The following EPC2 variants were observed in gnomAD, a reference collection of about 807,000 sequenced individuals.
EPC2 encodes enhancer of polycomb homolog 2.
Under a neutral mutation model 92.1 loss-of-function variants are expected in EPC2, and 14 were observed. The ratio of observed to expected loss-of-function variants is 0.15; its 90% CI spans 0.10 to 0.24. The LOEUF is 0.24. Ranked by LOEUF, EPC2 falls within the 10% of genes least tolerant of loss-of-function variation. The pLI, the probability that EPC2 is intolerant of heterozygous loss-of-function variation, is 1.00. For missense variants in EPC2, 755 were observed against 971.5 expected, an observed-to-expected ratio of 0.78 and a Z score of 2.96; for synonymous variants, 340 against 334.7, an observed-to-expected ratio of 1.02 and a Z score of -0.17.
At chr2:148,653,158 G>T (rs1680718940) in intron 1 of EPC2, among the ~76,000 whole-genome samples, 1 of 152,218 alleles carries the variant, frequency 6.6e-6, no homozygotes, top group Admixed American at 6.5e-5. Flanking sequence ...AGCAATCCAG[G>T]TACTTCTGTC....
intron 1 of EPC2, among the ~76,000 whole-genome samples, chr2:148,648,261 G>A (rs1683847440): frequency 6.6e-6 from 1 of 152,126 alleles, no homozygotes; most frequent in Non-Finnish European, 1.5e-5. Flanking sequence ...TTTTAAATAT[G>A]TATGTCAGAA....
intron 2 of EPC2, among the ~76,000 whole-genome samples, chr2:148,721,890 C>CTTT: frequency 0.15 from 9,163 of 60,674 alleles, 1,604 homozygotes; most frequent in East Asian, 0.45. Context: ...GTTTTGATTT[C>CTTT]TTTTTTTTTT....
intron 2 of EPC2, among the ~76,000 whole-genome samples, chr2:148,700,731 CCT>C (rs1246619792): frequency 6.7e-6 from 1 of 149,336 alleles, no homozygotes; most frequent in East Asian, 2.0e-4. Context: ...GAACCTAAGT[CCT>C]CTGCCTTTTT....
intron 2 of EPC2, among the ~76,000 whole-genome samples, chr2:148,691,358 G>A (rs1286862021): frequency 2.6e-5 from 4 of 152,134 alleles, no homozygotes; most frequent in African/African-American, 4.8e-5. Flanking sequence ...CTCAACATCC[G>A]GCCTAGCTGA....
chr2:148,760,782 G>GA (rs1387845973), intron 4 of EPC2, among the ~76,000 whole-genome samples: 1 of 152,064 alleles, frequency 6.6e-6, no homozygotes, highest in African/African-American at 2.4e-5. Context: ...ATACACAAAA[G>GA]AAAAAGAGTA....
intron 8 of EPC2, among the ~76,000 whole-genome samples, chr2:148,770,332 A>C (rs189933724): frequency 1.3e-5 from 2 of 152,242 alleles, no homozygotes; most frequent in East Asian, 3.9e-4. Context: ...GAACCACTGC[A>C]TCCTGCTTGG....
intron 1 of EPC2, among the ~76,000 whole-genome samples, chr2:148,646,681 T>C (rs754674095): frequency 1.3e-5 from 2 of 152,118 alleles, no homozygotes; most frequent in Non-Finnish European, 2.9e-5. Flanking sequence ...TATACAATAG[T>C]TAATTACATT....
chr2:148,778,226 A>G (rs1012570681), intron 10 of EPC2, among the ~76,000 whole-genome samples: 3 of 152,190 alleles, frequency 2.0e-5, no homozygotes, highest in African/African-American at 7.2e-5. Flanking sequence ...CTTAAGATCA[A>G]CTAGTGAAAA....
At position 148,771,346 on chromosome 2, in the gene EPC2, C is replaced by G. The variant is rs1195878792; in HGVS notation, c.1679C>G (p.Ala560Gly). ...GTGAACAATAAAAGAGTTTCTGCAG[C>G]ATCTGTAGCTTTATTGAACACCAGC... is the stretch of plus-strand genomic sequence containing the variant. ...QTVNNKRVSA[A>G]SVALLNTSKN... is the part of the protein sequence containing the mutation. Residue 560 changes from alanine (A) to glycine (G), a missense_variant, in exon 10 of 14, where the codon GCA becomes GGA. Transcript: ENST00000258484. 6.2e-7 allele frequency: 1 copy of G among 1,609,454 alleles called. No homozygotes were observed. The highest frequency in any genetic ancestry group is 1.3e-5 in the African/African-American group (1 of 74,574).
intron 2 of EPC2, among the ~76,000 whole-genome samples, chr2:148,695,786 A>G (rs535894800): frequency 6.6e-6 from 1 of 152,252 alleles, no homozygotes; most frequent in African/African-American, 2.4e-5. Context: ...TTGGATGTGT[A>G]TTAAGAAATT....
chr2:148,730,939 G>A (rs903429452), intron 2 of EPC2, among the ~76,000 whole-genome samples: 1 of 152,044 alleles, frequency 6.6e-6, no homozygotes, highest in East Asian at 1.9e-4. Flanking sequence ...CTGAATATTT[G>A]TTCTGCTTGA....
intron 2 of EPC2, among the ~76,000 whole-genome samples, chr2:148,731,968 T>C (rs1409128922): frequency 6.6e-6 from 1 of 152,228 alleles, no homozygotes; most frequent in Admixed American, 6.5e-5. Context: ...TCATTGTTCA[T>C]TTACTAATTG....
intron 1 of EPC2, among the ~76,000 whole-genome samples, chr2:148,671,867 T>A (rs781689916): frequency 1.3e-5 from 2 of 152,156 alleles, no homozygotes; most frequent in African/African-American, 2.4e-5. Context: ...TTTTTTGGTG[T>A]ACAGTGTATA....
At chr2:148,704,626 G>C (rs759875965) in intron 2 of EPC2, among the ~76,000 whole-genome samples, 1 of 152,158 alleles carries the variant, frequency 6.6e-6, no homozygotes, top group Non-Finnish European at 1.5e-5. Context: ...GTATCAAGTG[G>C]CATGTCCCCA....
intron 3 of EPC2, among the ~76,000 whole-genome samples, chr2:148,745,225 T>C (rs1682962828): frequency 1.3e-5 from 2 of 152,222 alleles, no homozygotes; most frequent in African/African-American, 4.8e-5. Context: ...AGTTTTTCTT[T>C]AGATGTAAAT....
Position 148,691,404 on chromosome 2 carries a change from ATC to A in EPC2, c.313+1035_313+1036del. 3.8e-6 allele frequency: 4 copies of A among 1,056,384 alleles called. No individual in the cohort carries two copies. In the South Asian group the frequency reaches 6.1e-5, roughly 16 times the overall value. 65.4% of individuals were successfully genotyped at this position (1,056,384 alleles called of 1,614,324 possible). On this transcript the variant is annotated intron_variant, in intron 2 of 13. Transcript: ENST00000258484. ...TGTCTGACAACCTACCTGTATGAGA[ATC>A]TCTGGGTGTGAAGTCTGGTGATTTG... is the stretch of plus-strand genomic sequence containing the variant.
In EPC2 at chr2:148,761,733, A is replaced by G. The variant is rs766960465; in HGVS notation, c.667-49A>G. ...AAGAGTTTATTGAATAAAGCCGGAA[A>G]TGTAGATAACTGTGTTGTTTATTCT... On this transcript the variant is annotated intron_variant, in intron 4 of 13. Coordinates refer to ENST00000258484, the MANE Select transcript of EPC2 (RefSeq NM_015630.4). 5.5e-6 allele frequency: 7 copies of G among 1,283,040 alleles called. No individual in the cohort carries two copies. In the South Asian group the frequency reaches 1.1e-4, roughly 21 times the overall value. The allele number at this position is 1,283,040 out of a possible 1,614,324, so 79.5% of individuals were successfully genotyped here.
intron 2 of EPC2, among the ~76,000 whole-genome samples, chr2:148,722,835 CA>C (rs1412369324): frequency 6.6e-6 from 1 of 152,110 alleles, no homozygotes; most frequent in Non-Finnish European, 1.5e-5. Flanking sequence ...TACATATATA[CA>C]TAGTCATAAA....
chr2:148,771,072 C>T lies in EPC2; in HGVS notation c.1405C>T (p.His469Tyr). 1 of 1,610,598 alleles carries T rather than the reference C, an allele frequency of 6.2e-7. No homozygotes were observed. The highest frequency in any genetic ancestry group is 8.5e-7 in the Non-Finnish European group (1 of 1,178,322). ...CATAATGGACCGAATATCCACAGAACATGACCCAGTCCTGAAACAGATAGA... is the reference window on the plus strand; with the variant it reads ...CATAATGGACCGAATATCCACAGAATATGACCCAGTCCTGAAACAGATAGA... The part of the protein sequence containing the change: ...RVIMDRISTE[H>Y]DPVLKQIDPE... The change falls in exon 10 of 14, where the codon CAT becomes TAT. Residue 469 changes from histidine to tyrosine, a missense_variant. Physicochemically the swap from His to Tyr is moderately conservative, Grantham distance 83. Around this residue, in one of 4 missense-constraint regions of EPC2, gnomAD observed 509 missense variants for 607.7 expected, o/e 0.84. Transcript: ENST00000258484.
Sources: allele counts gnomAD v4.1 joint callset (sites outside exome capture counted in the v4.1 genomes callset), GRCh38; gene constraint gnomAD v4.1.1; regional missense constraint gnomAD v4.1.1; transcripts MANE v1.5; gene names NCBI Gene and HGNC (gene_info 2026-07-23, HGNC 2026-07-21).